CAPZA1: variants seen among roughly 807,000 people sequenced by gnomAD.
The protein encoded by CAPZA1 is F-actin-capping protein subunit alpha-1.
A neutral mutation model predicts 40.8 loss-of-function variants in CAPZA1; 10 were observed. That is an observed-to-expected ratio of 0.25 (90% confidence interval 0.15 to 0.42). The LOEUF (loss-of-function observed/expected upper bound fraction) is 0.42. CAPZA1 is among the 10% of genes least tolerant of loss of function. The probability of loss-of-function intolerance (pLI) is 1.00; values close to 1 mark genes in which losing one functional copy is unlikely to be tolerated. For missense variants in CAPZA1, 277 were observed against 353.8 expected, an observed-to-expected ratio of 0.78 and a Z score of 1.74; for synonymous variants, 98 against 115.0, an observed-to-expected ratio of 0.85 and a Z score of 0.95.
At chr1:112,654,777 T>C in intron 5 of CAPZA1, 106 bp downstream of exon 5, 2 of 626,772 alleles carry the variant, frequency 3.2e-6, no homozygotes, top group Non-Finnish European at 5.4e-6. Flanking sequence ...TTAGCCATGC[T>C]CTCTTCTCCT....
rs1570708542 is a variant in CAPZA1, at chr1:112,639,815, G to A, written c.40-7395G>A. On this transcript the variant is annotated intron_variant, in intron 1 of 9. Transcript: ENST00000263168. ...GCCTCTGCCCGGCCGCCCCTACTGGGAAGTGAGGAGCCCCTCTGCCCGGCC... is the reference window on the plus strand; with the variant it reads ...GCCTCTGCCCGGCCGCCCCTACTGGAAAGTGAGGAGCCCCTCTGCCCGGCC... 6.0e-5 allele frequency among the ~76,000 whole-genome samples: 9 copies of A among 149,284 alleles called. No homozygotes were observed. In the South Asian group the frequency reaches 1.3e-3, roughly 21 times the overall value.
At chr1:112,669,422 G>T in intron 8 of CAPZA1, 121 bp from the exon 9 acceptor site, 1 of 733,150 alleles carries the variant, frequency 1.4e-6, no homozygotes, top group East Asian at 2.7e-5. Context: ...GTGGGCATGG[G>T]AACACTTGGA....
rs200525435 is a variant in CAPZA1 at position 112,647,593 on chromosome 1, A to T, written c.103+320A>T. Among the ~76,000 whole-genome samples the T allele has an allele frequency of 4.6e-5, 7 of 152,318 alleles. No homozygotes were observed. The East Asian group carries it at 1.3e-3, about 29-fold the overall frequency. On this transcript the variant is annotated intron_variant, in intron 2 of 9. Coordinates refer to ENST00000263168, the MANE Select transcript of CAPZA1 (RefSeq NM_006135.3). ...CATAGTTTTATTTTTATCGTTATAG[A>T]TCATAGCTTAATTTTCTTCATTGCT... is the stretch of plus-strand genomic sequence containing the variant.
chr1:112,627,777 A>G (rs1670843647), intron 1 of CAPZA1, among the ~76,000 whole-genome samples: 1 of 152,066 alleles, frequency 6.6e-6, no homozygotes, highest in Non-Finnish European at 1.5e-5. Flanking sequence ...CCTGACCAAC[A>G]TGGAGAAACC....
intron 2 of CAPZA1, among the ~76,000 whole-genome samples, chr1:112,647,658 G>A (rs1253993490): frequency 6.6e-6 from 1 of 151,960 alleles, no homozygotes; most frequent in Non-Finnish European, 1.5e-5. Context: ...ACTTTTTTGG[G>A]CCAGTGGGGC....
chr1:112,646,396 A>G (rs1446294190), intron 1 of CAPZA1, among the ~76,000 whole-genome samples: 1 of 152,120 alleles, frequency 6.6e-6, no homozygotes, highest in Non-Finnish European at 1.5e-5. Context: ...CCTGGGCATG[A>G]TGAGACCTGT....
intron 1 of CAPZA1, among the ~76,000 whole-genome samples, chr1:112,629,699 T>TG (rs1454582749): frequency 2.0e-5 from 3 of 152,232 alleles, no homozygotes; most frequent in African/African-American, 7.2e-5. Flanking sequence ...CCATTGCCAA[T>TG]GACATACGGA....
intron 1 of CAPZA1, among the ~76,000 whole-genome samples, chr1:112,635,468 G>T (rs948325191): frequency 1.3e-5 from 2 of 151,586 alleles, no homozygotes; most frequent in Non-Finnish European, 2.9e-5. Flanking sequence ...TCCCTTTTCT[G>T]TCTAGAATTA....
chr1:112,646,000 A>G (rs1197260278), intron 1 of CAPZA1, among the ~76,000 whole-genome samples: 4 of 152,238 alleles, frequency 2.6e-5, no homozygotes, highest in East Asian at 1.9e-4. Context: ...ATGGGCACAG[A>G]CGAAGAGCAT....
intron 1 of CAPZA1, among the ~76,000 whole-genome samples, chr1:112,644,521 C>A (rs528274986): frequency 1.3e-5 from 2 of 151,954 alleles, no homozygotes; most frequent in Non-Finnish European, 2.9e-5. Flanking sequence ...GACTCTTGAA[C>A]GTATTTTTTT....
intron 1 of CAPZA1, among the ~76,000 whole-genome samples, chr1:112,629,041 A>C (rs1553178600): frequency 6.6e-6 from 1 of 152,164 alleles, no homozygotes; most frequent in Non-Finnish European, 1.5e-5. Context: ...ATCCAGAGTG[A>C]TCTGGTTAAA....
chr1:112,620,140 G>A (rs1670572646), intron 1 of CAPZA1: 1 of 399,384 alleles, frequency 2.5e-6, no homozygotes, highest in South Asian at 5.5e-5. Flanking sequence ...CAAGGGAACA[G>A]ACGTTTCCTT....
intron 3 of CAPZA1, among the ~76,000 whole-genome samples, chr1:112,652,551 G>C (rs1247166926): frequency 6.6e-6 from 1 of 151,146 alleles, no homozygotes; most frequent in Admixed American, 6.6e-5. Flanking sequence ...ATCTTGAGAA[G>C]CCTAGTTTTA....
At chr1:112,654,797 A>C in intron 5 of CAPZA1, 126 bp downstream of exon 5, 1 of 568,660 alleles carries the variant, frequency 1.8e-6, no homozygotes, top group Non-Finnish European at 3.0e-6. Context: ...TCTGCATTTT[A>C]TTCCCTAAAT....
At chr1:112,669,188 G>A (rs115060137) in intron 8 of CAPZA1, among the ~76,000 whole-genome samples, 106 of 152,306 alleles carry the variant, frequency 7.0e-4, no homozygotes, top group African/African-American at 2.5e-3. Flanking sequence ...AAGGCATCAA[G>A]GTTTCAAGAC....
At chr1:112,640,239 C>T (rs1570709277) in intron 1 of CAPZA1, among the ~76,000 whole-genome samples, 2 of 106,424 alleles carry the variant, frequency 1.9e-5, no homozygotes, top group African/African-American at 3.7e-5. Flanking sequence ...AGGTGAGGGG[C>T]GCCTCTGCCC....
At chr1:112,627,572 C>T (rs1278477721) in intron 1 of CAPZA1, among the ~76,000 whole-genome samples, 1 of 131,952 alleles carries the variant, frequency 7.6e-6, no homozygotes, top group Non-Finnish European at 1.5e-5. Context: ...TAGGAGGTTG[C>T]AGTGAGCCGA....
chr1:112,671,119 A>C lies in CAPZA1; in HGVS notation c.*987A>C, dbSNP rs1671822888. ...TTCTATTGTAACCTGTTATTTAAGG[A>C]AATACTAGTGATTTCTTCTAAATAG... is the stretch of plus-strand genomic sequence containing the variant. On this transcript the variant is annotated 3_prime_UTR_variant, in exon 10 of 10. Transcript: ENST00000263168. 1 of 152,666 alleles carries C rather than the reference A, an allele frequency of 6.6e-6. No individual in the cohort carries two copies. The highest frequency in any genetic ancestry group is 2.1e-4 in the South Asian group (1 of 4,832). The allele number at this position is 152,666 out of a possible 1,614,324, so 9.5% of individuals were successfully genotyped here. A position where few individuals can be genotyped will look rare whatever the true frequency, so the allele number is the denominator to read the frequency against.
At chr1:112,656,056 T>C (rs879312079) in intron 5 of CAPZA1, among the ~76,000 whole-genome samples, 9 of 152,226 alleles carry the variant, frequency 5.9e-5, no homozygotes, top group Non-Finnish European at 1.0e-4. Context: ...ATTGAGCTAA[T>C]AACATGGATT....
Sources: allele counts gnomAD v4.1 joint callset (sites outside exome capture counted in the v4.1 genomes callset), GRCh38; gene constraint gnomAD v4.1.1; transcripts MANE v1.5; gene names NCBI Gene and HGNC (gene_info 2026-07-23, HGNC 2026-07-21).